Variants in MGAT4B observed in about 807,000 individuals in gnomAD.
MGAT4B encodes the protein N-acetylglucosaminyltransferase IVb.
A neutral mutation model predicts 73.9 loss-of-function variants in MGAT4B; 38 were observed. The observed-to-expected ratio is 0.51, with a 90% confidence interval of 0.40 to 0.67. The LOEUF (loss-of-function observed/expected upper bound fraction) is 0.67, where lower values mean the gene tolerates loss of function less well. Among genes scored for constraint, MGAT4B ranks in the 30% least tolerant of loss-of-function variants. The probability of loss-of-function intolerance (pLI) is 0.00; values close to 1 mark genes in which losing one functional copy is unlikely to be tolerated. For missense variants in MGAT4B, 686 were observed against 735.2 expected, an observed-to-expected ratio of 0.93 and a Z score of 0.77; for synonymous variants, 373 against 313.5, an observed-to-expected ratio of 1.19 and a Z score of -2.01.
At position 179,800,271 on chromosome 5, in the gene MGAT4B, G is replaced by A. The variant is rs373873450; in HGVS notation, c.720-12C>T. On this transcript the variant is annotated splice_polypyrimidine_tract_variant and intron_variant, in intron 6 of 14. Transcript: ENST00000292591. ...GTTTGGTCCTCCACCTGTGGGCCGG[G>A]GCGGGGCCTCAGAAGTTCAGACCCC... 24 of 1,613,102 alleles carry A rather than the reference G, an allele frequency of 1.5e-5. No individual in the cohort carries two copies. The Admixed American group carries it at 4.0e-4, about 27-fold the overall frequency.
Position 179,798,081 on chromosome 5 carries a change from G to C in MGAT4B, c.1624-13C>G, listed in dbSNP as rs1252850312. The C allele has an allele frequency of 1.2e-5, 19 of 1,608,814 alleles. No individual in the cohort carries two copies. The highest frequency in any genetic ancestry group is 1.6e-5 in the Non-Finnish European group (19 of 1,178,198). On this transcript the variant is annotated splice_polypyrimidine_tract_variant and intron_variant, in intron 14 of 14. Transcript: ENST00000292591. ...TTTTCAGGAAGATCTGGAAGAGCCG[G>C]ACCCAGGGTCAGCAGGGCCTCTGAG...
Position 179,806,393 on chromosome 5 carries a change from G to C in MGAT4B, c.97+94C>G. The C allele has an allele frequency of 1.4e-6, 1 of 729,466 alleles. No homozygotes were observed. 45.2% of individuals were successfully genotyped at this position (729,466 alleles called of 1,614,324 possible). On this transcript the variant is annotated intron_variant, in intron 1 of 14. Transcript: ENST00000292591. The surrounding 1 kb of genome is among the most constrained non-coding windows in gnomAD (Gnocchi z 4.6). ...CGGGCGGGGAAGGGGCGCCTGCGTCGGCTTCCGGCCGCCTTCCGCGGCCAC... is the reference window on the plus strand; with the variant it reads ...CGGGCGGGGAAGGGGCGCCTGCGTCCGCTTCCGGCCGCCTTCCGCGGCCAC...
rs1756744042 is a variant in MGAT4B, at chr5:179,798,350, T to C, written c.1507A>G (p.Ile503Val). The change falls in exon 13 of 15, where the codon ATC becomes GTC. Residue 503 changes from isoleucine to valine, a missense_variant. This residue lies in a region of MGAT4B where 449 missense variants were observed against 536.8 expected (regional missense o/e 0.84). Coordinates refer to ENST00000292591, the MANE Select transcript of MGAT4B (RefSeq NM_014275.5). ...YPRSPDGYLQ[I>V]GSFYKGVAEG... is the part of the protein sequence containing the mutation. ...CTCTCCCCCAAACCCTACCCACCGA[T>C]CTGGAGGTAGCCGTCGGGGCTCCGA... is the stretch of plus-strand genomic sequence containing the variant. 6 of 1,613,002 alleles carry C rather than the reference T, an allele frequency of 3.7e-6. No individual in the cohort carries two copies. The highest frequency in any genetic ancestry group is 5.1e-6 in the Non-Finnish European group (6 of 1,179,968).
chr5:179,806,591 G>A lies in MGAT4B; in HGVS notation c.-8C>T. 8.0e-7 allele frequency: 1 copy of A among 1,245,760 alleles called. No individual in the cohort carries two copies. Among genetic ancestry groups the A allele is most frequent in the Non-Finnish European group, 1.0e-6 (1 of 965,962 alleles). 77.2% of individuals were successfully genotyped at this position (1,245,760 alleles called of 1,614,324 possible). A position where few individuals can be genotyped will look rare whatever the true frequency, so the allele number is the denominator to read the frequency against. ...GCCATTGCGGAGCCTCATCTCCTCG[G>A]GTGCGCGGCGGGCGCCCGCGGGGCC... On this transcript the variant is annotated 5_prime_UTR_variant, in exon 1 of 15. Coordinates refer to ENST00000292591, the MANE Select transcript of MGAT4B (RefSeq NM_014275.5). The surrounding 1 kb of genome is among the most constrained non-coding windows in gnomAD (Gnocchi z 4.6).
Position 179,799,512 on chromosome 5 carries a change from C to T in MGAT4B, c.1035G>A (p.Lys345=), listed in dbSNP as rs1756813202. Residue 345 remains lysine (K), a synonymous_variant, in exon 9 of 15, where the codon AAG becomes AAA. Coordinates refer to ENST00000292591, the MANE Select transcript of MGAT4B (RefSeq NM_014275.5). ...CCCGCCAGCTCTTGCTCACCGCATC[C>T]TTCTCGGGGTTGCAGACTTTCACCC... The part of the protein sequence containing the change: ...ILWVKVCNPE[K]DAKHCDRQKA... The T allele has an allele frequency of 6.2e-7, 1 of 1,613,804 alleles. No homozygotes were observed. The highest frequency in any genetic ancestry group is 2.2e-5 in the East Asian group (1 of 44,884).
chr5:179,798,321 C>G (rs770504411), intron 13 of MGAT4B, 26 bp downstream of exon 13: 1 of 1,613,002 alleles, frequency 6.2e-7, no homozygotes, highest in Non-Finnish European at 8.5e-7. Context: ...AACCCCAGCC[C>G]ACGCTCTCCC....
Position 179,798,149 on chromosome 5 carries a change from C to T in MGAT4B, c.1623+16G>A, listed in dbSNP as rs1756732208. The stretch of plus-strand genomic sequence containing the variant: ...TGGCTGCTCCCCGTGCCTGGCCTGG[C>T]CCTGCCCAGCCTCACCTCGCTCAGA... On this transcript the variant is annotated intron_variant, in intron 14 of 14. Coordinates refer to ENST00000292591, the MANE Select transcript of MGAT4B (RefSeq NM_014275.5). 1 of 1,588,950 alleles carries T rather than the reference C, an allele frequency of 6.3e-7. No individual in the cohort carries two copies. Among genetic ancestry groups the T allele is most frequent in the Non-Finnish European group, 8.6e-7 (1 of 1,167,912 alleles).
In MGAT4B at chr5:179,801,340, G is replaced by A. The variant is rs755358594; in HGVS notation, c.552C>T (p.Ile184=). 3.7e-6 allele frequency: 6 copies of A among 1,609,364 alleles called. No individual in the cohort carries two copies. The highest frequency in any genetic ancestry group is 2.2e-5 in the South Asian group (2 of 90,898). Residue 184 remains isoleucine (I), a synonymous_variant, in exon 4 of 15, where the codon ATC becomes ATT. Coordinates refer to ENST00000292591, the MANE Select transcript of MGAT4B (RefSeq NM_014275.5). This position sits in a 1 kb window ranked among gnomAD's most constrained non-coding sequence, Gnocchi z 4.8. ...CGCGTCCCGGCTCACTCGCCTCGGC[G>A]ATCAGCACCACGATGACCGAGTCCT... The part of the protein sequence containing the change: ...EKEDSVIVVL[I]AETDSQYTSA...
rs1344839692 is a variant in MGAT4B, at chr5:179,799,018, G to T, written c.1253C>A (p.Ala418Asp). 6.2e-7 allele frequency: 1 copy of T among 1,613,944 alleles called. No individual in the cohort carries two copies. The highest frequency in any genetic ancestry group is 1.7e-5 in the Admixed American group (1 of 60,030). ...KTYQHFTLEKAYLREDFFWAF... is the reference protein window; with the variant it reads ...KTYQHFTLEKDYLREDFFWAF... ...CCAGAAGAAGTCCTCGCGCAGGTAG[G>T]CTTTCTCCAGGGTGAAGTGCTGGTA... Residue 418 changes from alanine (A) to aspartate (D), a missense_variant, in exon 11 of 15, where the codon GCC (alanine) becomes GAC (aspartate). Coordinates refer to ENST00000292591, the MANE Select transcript of MGAT4B (RefSeq NM_014275.5).
chr5:179,800,361 T>G (rs555341338), intron 6 of MGAT4B, 102 bp from the exon 7 acceptor site: 14 of 1,472,302 alleles, frequency 9.5e-6, no homozygotes, highest in Non-Finnish European at 1.2e-5. Context: ...CCCACCCCCA[T>G]GCACGGGTCC....
rs921935587 is a variant in MGAT4B at position 179,802,279 on chromosome 5, G to A, written c.98-310C>T. 5 of 1,413,846 alleles carry A rather than the reference G, an allele frequency of 3.5e-6. No individual in the cohort carries two copies. In the African/African-American group the frequency reaches 4.3e-5, roughly 12 times the overall value. The allele number at this position is 1,413,846 out of a possible 1,614,324, so 87.6% of individuals were successfully genotyped here. ...ACCTAGGTAGGTGGATCCTAAGCAA[G>A]GGCTGGAACAGCCTCAGACTGAATC... On this transcript the variant is annotated intron_variant, in intron 1 of 14. Coordinates refer to ENST00000292591, the MANE Select transcript of MGAT4B (RefSeq NM_014275.5).
chr5:179,802,180 CT>C (rs1756976650), intron 1 of MGAT4B: 2 of 1,495,606 alleles, frequency 1.3e-6, no homozygotes, highest in Admixed American at 2.3e-5. Flanking sequence ...AATTAGCCCT[CT>C]TCCAGTACTC....
Position 179,797,921 on chromosome 5 carries a change from A to G in MGAT4B, c.*124T>C, listed in dbSNP as rs1756718781. The G allele has an allele frequency of 6.5e-6, 9 of 1,390,684 alleles. No homozygotes were observed. The highest frequency in any genetic ancestry group is 8.9e-6 in the Non-Finnish European group (9 of 1,011,514). The allele number at this position is 1,390,684 out of a possible 1,614,324, so 86.1% of individuals were successfully genotyped here. ...CAGCGGCGGACCCCAGGCCGGCCCA[A>G]GCCCGACGCCAGGCAGAACCCTTTG... On this transcript the variant is annotated 3_prime_UTR_variant, in exon 15 of 15. Transcript: ENST00000292591.
chr5:179,801,323 G>C lies in MGAT4B; in HGVS notation c.558+11C>G. Reference sequence around the variant, plus strand: ...TGAATGTCCCCCAACCCCGCGTCCCGGCTCACTCGCCTCGGCGATCAGCAC... The same window carrying C: ...TGAATGTCCCCCAACCCCGCGTCCCCGCTCACTCGCCTCGGCGATCAGCAC... On this transcript the variant is annotated intron_variant, in intron 4 of 14. Coordinates refer to ENST00000292591, the MANE Select transcript of MGAT4B (RefSeq NM_014275.5). The surrounding 1 kb of genome is among the most constrained non-coding windows in gnomAD (Gnocchi z 4.8). The C allele has an allele frequency of 1.2e-6, 2 of 1,603,256 alleles. No individual in the cohort carries two copies. Among genetic ancestry groups the C allele is most frequent in the Non-Finnish European group, 1.7e-6 (2 of 1,173,070 alleles).
At chr5:179,802,261 T>G in intron 1 of MGAT4B, 2 of 1,418,602 alleles carry the variant, frequency 1.4e-6, no homozygotes, top group Non-Finnish European at 1.8e-6. Context: ...CAGACCTAGG[T>G]AGGTGGATCC....
Position 179,799,534 on chromosome 5 carries a change from A to G in MGAT4B, c.1013T>C (p.Val338Ala). Residue 338 changes from valine to alanine, a missense_variant, in exon 9 of 15, where the codon GTG becomes GCG. By Grantham distance (64) the Val-to-Ala change is moderately conservative (BLOSUM62 0). Around this residue, in one of 2 missense-constraint regions of MGAT4B, gnomAD observed 449 missense variants for 536.8 expected, o/e 0.84. Coordinates refer to ENST00000292591, the MANE Select transcript of MGAT4B (RefSeq NM_014275.5). ...ATCCTTCTCGGGGTTGCAGACTTTC[A>G]CCCACAGAATATGGTCCAGGAGCCA... is the stretch of plus-strand genomic sequence containing the variant. ...IDWLLDHILW[V>A]KVCNPEKDAK... 2 of 1,613,698 alleles carry G rather than the reference A, an allele frequency of 1.2e-6. No individual in the cohort carries two copies. The highest frequency in any genetic ancestry group is 1.7e-6 in the Non-Finnish European group (2 of 1,179,982).
Position 179,798,602 on chromosome 5 carries a change from G to A in MGAT4B, c.1344-11C>T. On this transcript the variant is annotated splice_polypyrimidine_tract_variant and intron_variant, in intron 11 of 14. Coordinates refer to ENST00000292591, the MANE Select transcript of MGAT4B (RefSeq NM_014275.5). ...CTGCGGAAGAAGAACCTGCAGCCAG[G>A]CAGGCCTGTGAGCTGCTGCAGGGGC... The A allele has an allele frequency of 6.2e-7, 1 of 1,613,140 alleles. No individual in the cohort carries two copies. Among genetic ancestry groups the A allele is most frequent in the Middle Eastern group, 1.6e-4 (1 of 6,062 alleles).
chr5:179,798,835 C>A, intron 11 of MGAT4B, 93 bp downstream of exon 11: 1 of 1,460,498 alleles, frequency 6.8e-7, no homozygotes. Flanking sequence ...GATGCGGAAA[C>A]TGAAGAACGT....
At chr5:179,803,848 C>A (rs967865616) in intron 1 of MGAT4B, 3 of 153,252 alleles carry the variant, frequency 2.0e-5, no homozygotes, top group African/African-American at 7.2e-5. Flanking sequence ...GCCTCCCCCG[C>A]CTGCCAGCTC....
Sources: gnomAD v4.1 joint callset for allele counts on GRCh38, gnomAD v4.1.1 for gene constraint, gnomAD v4.1.1 regional missense constraint, Gnocchi (gnomAD v3.1) non-coding constraint, MANE v1.5 for transcripts, NCBI Gene and HGNC (gene_info 2026-07-23, HGNC 2026-07-21) for gene names.